Variants in KCNIP1 observed in about 807,000 individuals in gnomAD.
KCNIP1 encodes A-type potassium channel modulatory protein KCNIP1.
KCNIP1 carries 18 observed loss-of-function variants against 33.0 expected under a neutral mutation model. The observed-to-expected ratio is 0.55, with a 90% CI of 0.38 to 0.81. The LOEUF (loss-of-function observed/expected upper bound fraction) is 0.81. KCNIP1 is among the 30% of genes least tolerant of loss of function. The pLI is 0.00. For synonymous variants in KCNIP1, 93 were observed against 98.3 expected, an observed-to-expected ratio of 0.95 and a Z score of 0.32; for missense variants, 238 against 271.6, an observed-to-expected ratio of 0.88 and a Z score of 0.87.
intron 1 of KCNIP1, among the ~76,000 whole-genome samples, chr5:170,480,690 C>A (rs1756958104): frequency 6.6e-6 from 1 of 152,010 alleles, no homozygotes; most frequent in African/African-American, 2.4e-5. Flanking sequence ...GTGATCCACC[C>A]ACCTCAACCT....
chr5:170,599,756 C>T (rs899516509), intron 1 of KCNIP1, among the ~76,000 whole-genome samples: 1 of 152,194 alleles, frequency 6.6e-6, no homozygotes, highest in African/African-American at 2.4e-5. Flanking sequence ...ATGAGTTTCA[C>T]CTGCATATCC....
intron 1 of KCNIP1, among the ~76,000 whole-genome samples, chr5:170,602,956 C>T (rs1002596818): frequency 1.3e-5 from 2 of 152,220 alleles, no homozygotes; most frequent in Admixed American, 6.5e-5. Context: ...CCCCTGGCCC[C>T]GAGTGAGCCA....
chr5:170,722,932 T>G, intron 5 of KCNIP1, 112 bp downstream of exon 5: 1 of 687,200 alleles, frequency 1.5e-6, no homozygotes, highest in Non-Finnish European at 2.5e-6. Context: ...AGGCTCTGCT[T>G]TGGGGCTAAC....
intron 1 of KCNIP1, among the ~76,000 whole-genome samples, chr5:170,510,427 C>T (rs772069981): frequency 3.9e-5 from 6 of 152,104 alleles, no homozygotes; most frequent in Non-Finnish European, 5.9e-5. Context: ...TGTGAGAATG[C>T]GGCGGTGCAG....
rs1761688729 is a variant in KCNIP1 at position 170,665,995 on chromosome 5, G to A, written c.62-52763G>A. 3.9e-5 allele frequency among the ~76,000 whole-genome samples: 6 copies of A among 152,150 alleles called. No homozygotes were observed. The South Asian group carries it at 1.0e-3, about 26-fold the overall frequency. The stretch of plus-strand genomic sequence containing the variant: ...ACCTGGCTAAGATTGTGTTTGTCAG[G>A]TTTCTCTGCTGTGAAGTCATTTTCC... On this transcript the variant is annotated intron_variant, in intron 1 of 7. Transcript: ENST00000328939.
At chr5:170,496,771 C>G (rs115882767) in intron 1 of KCNIP1, among the ~76,000 whole-genome samples, 90 of 152,298 alleles carry the variant, frequency 5.9e-4, no homozygotes, top group African/African-American at 2.1e-3. Flanking sequence ...ACCCGTCCAC[C>G]CTCAACCTCA....
intron 1 of KCNIP1, among the ~76,000 whole-genome samples, chr5:170,593,900 G>T (rs895396815): frequency 2.6e-5 from 4 of 152,306 alleles, no homozygotes; most frequent in African/African-American, 9.6e-5. Flanking sequence ...CTGAGGTGGT[G>T]GGAAGAACGT....
At chr5:170,559,714 T>C (rs1040774549) in intron 1 of KCNIP1, among the ~76,000 whole-genome samples, 1 of 152,196 alleles carries the variant, frequency 6.6e-6, no homozygotes, top group African/African-American at 2.4e-5. Context: ...TCTGCATTCT[T>C]GGCCAGGCTC....
intron 1 of KCNIP1, among the ~76,000 whole-genome samples, chr5:170,601,817 G>A (rs558084078): frequency 7.2e-5 from 11 of 152,338 alleles, no homozygotes; most frequent in East Asian, 1.9e-4. Flanking sequence ...AGGGACTGGC[G>A]GTGGCTGCTG....
intron 1 of KCNIP1, among the ~76,000 whole-genome samples, chr5:170,580,182 T>A (rs576475031): frequency 2.7e-4 from 41 of 152,074 alleles, no homozygotes; most frequent in African/African-American, 9.4e-4. Context: ...TGGGTAGAGG[T>A]AAAGGGGATG....
At chr5:170,369,879 G>A (rs140971076) in intron 1 of KCNIP1, among the ~76,000 whole-genome samples, 5 of 152,270 alleles carry the variant, frequency 3.3e-5, no homozygotes, top group African/African-American at 9.6e-5. Context: ...TTATTATCAC[G>A]GGTCATGATT....
intron 1 of KCNIP1, chr5:170,385,330 G>T: frequency 6.2e-7 from 1 of 1,614,142 alleles, no homozygotes; most frequent in Non-Finnish European, 8.5e-7. Context: ...TGGTAGAGGG[G>T]CAGCACAGTC....
intron 1 of KCNIP1, among the ~76,000 whole-genome samples, chr5:170,638,992 CAA>C (rs1292496383): frequency 6.6e-6 from 1 of 152,204 alleles, no homozygotes; most frequent in East Asian, 1.9e-4. Flanking sequence ...AGCAGACACA[CAA>C]AGAGGAGGGC....
chr5:170,712,716 T>C, intron 1 of KCNIP1: 2 of 819,374 alleles, frequency 2.4e-6, no homozygotes, highest in South Asian at 2.7e-5. Context: ...GCTCCAGCTC[T>C]GCTACTGAGA....
At chr5:170,469,235 A>C (rs1312454116) in intron 1 of KCNIP1, among the ~76,000 whole-genome samples, 1 of 152,036 alleles carries the variant, frequency 6.6e-6, no homozygotes, top group Non-Finnish European at 1.5e-5. Context: ...TCTGCAAAAA[A>C]ACATGTAAAA....
At chr5:170,612,814 C>T (rs903154314) in intron 1 of KCNIP1, among the ~76,000 whole-genome samples, 4 of 152,160 alleles carry the variant, frequency 2.6e-5, no homozygotes, top group Admixed American at 2.0e-4. Context: ...TGTGTCCTGC[C>T]CTTCCCCCAA....
At chr5:170,427,420 C>T (rs1273749075) in intron 1 of KCNIP1, among the ~76,000 whole-genome samples, 1 of 152,228 alleles carries the variant, frequency 6.6e-6, no homozygotes, top group Non-Finnish European at 1.5e-5. Flanking sequence ...ATCCTCACTG[C>T]TGCCCTATGA....
intron 1 of KCNIP1, among the ~76,000 whole-genome samples, chr5:170,514,591 G>A (rs1755058505): frequency 6.6e-6 from 1 of 152,196 alleles, no homozygotes. Flanking sequence ...AGTAAAATAA[G>A]TTTAAGGAAG....
chr5:170,596,204 C>T (rs1024724563), intron 1 of KCNIP1, among the ~76,000 whole-genome samples: 1 of 152,164 alleles, frequency 6.6e-6, no homozygotes, highest in African/African-American at 2.4e-5. Flanking sequence ...GAATAGAATT[C>T]CCCCAGTCCC....
Sources: allele counts gnomAD v4.1 joint callset (sites outside exome capture counted in the v4.1 genomes callset), GRCh38; gene constraint gnomAD v4.1.1; transcripts MANE v1.5; gene names NCBI Gene and HGNC (gene_info 2026-07-23, HGNC 2026-07-21).